EVC2: variants seen among roughly 807,000 people sequenced by gnomAD.
EVC2 encodes the protein EvC ciliary complex subunit 2, also known as limbin.
In EVC2, 148 loss-of-function variants were observed where a neutral mutation model predicts 149.3. The ratio of observed to expected loss-of-function variants is 0.99; its 90% CI spans 0.87 to 1.14. The LOEUF (loss-of-function observed/expected upper bound fraction) is 1.14. Ranked by LOEUF, EVC2 falls within the 50% of genes most tolerant of loss-of-function variation. The probability of loss-of-function intolerance (pLI) is 0.00; values close to 1 mark genes in which losing one functional copy is unlikely to be tolerated. For synonymous variants in EVC2, 776 were observed against 649.9 expected (o/e 1.19, Z -2.95); for missense variants, 1,854 against 1,627.3 (o/e 1.14, Z -2.40).
chr4:5,687,791 G>C (rs1223284668), intron 5 of EVC2, among the ~76,000 whole-genome samples: 2 of 152,148 alleles, frequency 1.3e-5, no homozygotes, highest in African/African-American at 4.8e-5. Context: ...AATGAGATGA[G>C]AGACGTGCAG....
intron 21 of EVC2, among the ~76,000 whole-genome samples, chr4:5,551,803 G>A (rs555105184): frequency 8.5e-5 from 13 of 152,238 alleles, no homozygotes; most frequent in East Asian, 3.9e-4. Flanking sequence ...GGTCTTTCCC[G>A]TGCTGTTCTT....
chr4:5,593,181 C>T (rs770785733), intron 16 of EVC2, among the ~76,000 whole-genome samples: 36 of 152,090 alleles, frequency 2.4e-4, no homozygotes, highest in Admixed American at 5.2e-4. Flanking sequence ...CACCCAGTCT[C>T]GGGTATGTCC....
chr4:5,708,999 G>C (rs1722400297), upstream of EVC2: 1 of 153,728 alleles, frequency 6.5e-6, no homozygotes, highest in African/African-American at 2.4e-5. Flanking sequence ...GGGGAGGAGG[G>C]GGTGGCCGCA....
rs1012990204 is a variant in EVC2 at position 5,664,901 on chromosome 4, G to C, written c.1005+614C>G. On this transcript the variant is annotated intron_variant, in intron 8 of 21. Coordinates refer to ENST00000344408, the MANE Select transcript of EVC2 (RefSeq NM_147127.5). ...GCTGCGTGTGGGTGATGGGGTACGTGTGGGTGATGGGGTGCGTGTGGGTGA... is the reference window on the plus strand; with the variant it reads ...GCTGCGTGTGGGTGATGGGGTACGTCTGGGTGATGGGGTGCGTGTGGGTGA... 2.6e-5 allele frequency among the ~76,000 whole-genome samples: 4 copies of C among 151,698 alleles called. No individual in the cohort carries two copies. In the South Asian group the frequency reaches 8.3e-4, roughly 32 times the overall value.
intron 11 of EVC2, among the ~76,000 whole-genome samples, chr4:5,631,572 G>A (rs1031969368): frequency 1.3e-5 from 2 of 151,672 alleles, no homozygotes; most frequent in Non-Finnish European, 2.9e-5. Flanking sequence ...TAGACTGGGG[G>A]GGGGAACTGA....
chr4:5,620,426 C>G (rs1435156689), intron 14 of EVC2, among the ~76,000 whole-genome samples: 2 of 152,168 alleles, frequency 1.3e-5, no homozygotes, highest in East Asian at 3.9e-4. Context: ...ACAGGAACTT[C>G]CGAAAGAAGG....
chr4:5,656,162 G>A (rs1419494438), intron 9 of EVC2, among the ~76,000 whole-genome samples: 2 of 152,160 alleles, frequency 1.3e-5, no homozygotes, highest in East Asian at 3.9e-4. Flanking sequence ...AGGATGTCCT[G>A]GCCTTGGAGT....
At chr4:5,545,347 T>G (rs1488768820) in intron 21 of EVC2, among the ~76,000 whole-genome samples, 1 of 152,192 alleles carries the variant, frequency 6.6e-6, no homozygotes, top group Non-Finnish European at 1.5e-5. Context: ...AACACAGGCT[T>G]CCGAGTCAGA....
intron 19 of EVC2, among the ~76,000 whole-genome samples, chr4:5,571,706 G>A (rs1722654772): frequency 6.6e-6 from 1 of 152,194 alleles, no homozygotes; most frequent in Admixed American, 6.5e-5. Context: ...CCTCCAGTCT[G>A]GATGTGCTGG....
intron 21 of EVC2, among the ~76,000 whole-genome samples, chr4:5,553,985 C>T (rs1016625672): frequency 3.9e-5 from 6 of 152,128 alleles, no homozygotes; most frequent in Admixed American, 1.3e-4. Flanking sequence ...TCACAAGTGA[C>T]GACATTGCAA....
At chr4:5,572,910 T>C (rs990816596) in intron 19 of EVC2, among the ~76,000 whole-genome samples, 1 of 152,194 alleles carries the variant, frequency 6.6e-6, no homozygotes, top group African/African-American at 2.4e-5. Flanking sequence ...GAGCAGAGTA[T>C]GTGCATCACC....
At chr4:5,604,085 G>C (rs1168281832) in intron 16 of EVC2, among the ~76,000 whole-genome samples, 1 of 152,160 alleles carries the variant, frequency 6.6e-6, no homozygotes, top group Non-Finnish European at 1.5e-5. Flanking sequence ...CTGTGAAATG[G>C]AGATAGTAAT....
At position 5,663,203 on chromosome 4, in the gene EVC2, G is replaced by A. The variant is rs369748879; in HGVS notation, c.1049C>T (p.Ser350Leu). 5 of 1,614,030 alleles carry A rather than the reference G, an allele frequency of 3.1e-6. No homozygotes were observed. The highest frequency in any genetic ancestry group is 1.3e-5 in the African/African-American group (1 of 74,908). ...ESKLEPLPFT[S>L]ADGVNEDLSL... ...AAGGTCCTCATTCACGCCATCAGCT[G>A]AGGTGAACGGCAAGGGTTCCAGCTT... The change falls in exon 9 of 22, where the codon TCA (serine) becomes TTA (leucine). Residue 350 changes from serine (S) to leucine (L), a missense_variant. Transcript: ENST00000344408.
chr4:5,665,695 A>ATGTC (rs1460246504), intron 7 of EVC2, 46 bp from the exon 8 acceptor site: 1 of 1,607,320 alleles, frequency 6.2e-7, no homozygotes, highest in Non-Finnish European at 8.5e-7. Flanking sequence ...GTCAGACAGC[A>ATGTC]TGTCTCCCAG....
intron 16 of EVC2, among the ~76,000 whole-genome samples, chr4:5,612,093 C>T (rs959892761): frequency 7.2e-5 from 11 of 152,062 alleles, no homozygotes; most frequent in East Asian, 1.9e-4. Flanking sequence ...GGAAAGGAAA[C>T]GAAAACAAGC....
chr4:5,626,439 A>G (rs1716122316), intron 12 of EVC2, among the ~76,000 whole-genome samples: 2 of 150,952 alleles, frequency 1.3e-5, no homozygotes, highest in South Asian at 4.2e-4. Flanking sequence ...ACTTTAAGCA[A>G]TTCTCTGCCT....
intron 21 of EVC2, among the ~76,000 whole-genome samples, chr4:5,551,049 G>A (rs1168700186): frequency 6.6e-6 from 1 of 152,222 alleles, no homozygotes; most frequent in African/African-American, 2.4e-5. Context: ...GTGCTGCAGG[G>A]GTGGGGCCCT....
intron 21 of EVC2, among the ~76,000 whole-genome samples, chr4:5,555,164 A>G (rs1223917008): frequency 1.3e-5 from 2 of 152,040 alleles, no homozygotes; most frequent in Non-Finnish European, 2.9e-5. Flanking sequence ...AGTATAATTG[A>G]TATGTTAAGA....
At chr4:5,680,896 C>G (rs999308614) in intron 7 of EVC2, among the ~76,000 whole-genome samples, 2 of 148,146 alleles carry the variant, frequency 1.4e-5, no homozygotes, top group Non-Finnish European at 3.0e-5. Flanking sequence ...GAGAGACCCG[C>G]CCCACAGACT....
Sources: allele counts gnomAD v4.1 joint callset (sites outside exome capture counted in the v4.1 genomes callset), GRCh38; gene constraint gnomAD v4.1.1; transcripts MANE v1.5; gene names NCBI Gene and HGNC (gene_info 2026-07-23, HGNC 2026-07-21).